The following PHKA2 variants were observed in gnomAD, a reference collection of about 807,000 sequenced individuals.
PHKA2 encodes phosphorylase kinase regulatory subunit alpha 2.
Under a neutral mutation model 102.0 loss-of-function variants are expected in PHKA2, and 31 were observed. The observed-to-expected ratio is 0.30, with a 90% CI of 0.23 to 0.41. The LOEUF is 0.41. Ranked by LOEUF, PHKA2 falls within the 10% of genes least tolerant of loss-of-function variation. The pLI is 1.00. For synonymous variants in PHKA2, 455 were observed against 416.2 expected (o/e 1.09, Z -1.13); for missense variants, 858 against 1,023.1 (o/e 0.84, Z 2.20).
intron 30 of PHKA2, 169 bp from the exon 31 acceptor site, chrX:18,895,360 C>G (rs1275081396): frequency 2.0e-6 from 1 of 504,645 alleles, no homozygotes; most frequent in Admixed American, 2.7e-5. Context: ...TTCTCACTGC[C>G]CACAGGCTGT....
rs768636545 is a variant in PHKA2 at position 18,897,365 on chromosome X, C to A, written c.3112-32G>T. 6.7e-6 allele frequency: 8 copies of A among 1,186,786 alleles called. No homozygotes were observed. In the East Asian group the frequency reaches 1.2e-4, roughly 18 times the overall value. On this transcript the variant is annotated intron_variant, in intron 29 of 32. Transcript: ENST00000379942. ...GACAGACAGCTTGGGGCCTCAGAAG[C>A]CACGCAGCAGGTGCCCCAGGGAAAG...
chrX:18,941,783 T>C (rs1376200096), intron 7 of PHKA2, 108 bp from the exon 8 acceptor site: 1 of 580,197 alleles, frequency 1.7e-6, no homozygotes, highest in East Asian at 3.4e-5. Context: ...GGTTGCCAAT[T>C]TTGAGTAGAG....
chrX:18,923,441 C>T (rs2048159955), intron 17 of PHKA2, among the ~76,000 whole-genome samples: 1 of 111,581 alleles, frequency 9.0e-6, no homozygotes, highest in Non-Finnish European at 1.9e-5. Context: ...CAGTAGAGGG[C>T]ACAAAAATGG....
At chrX:18,958,704 TTGTG>T (rs761102643) in intron 1 of PHKA2, among the ~76,000 whole-genome samples, 6 of 108,807 alleles carry the variant, frequency 5.5e-5, no homozygotes, top group African/African-American at 1.7e-4. Flanking sequence ...TCAGTTTCTT[TTGTG>T]TGTGTGTGTG....
chrX:18,970,983 G>A lies in PHKA2; in HGVS notation c.78+12872C>T, dbSNP rs113376069. ...TTTAGTACTTTCCTGGTACACCAGC[G>A]GGATGTCTACATCCAGGGTGACCTT... On this transcript the variant is annotated intron_variant, in intron 1 of 32. Transcript: ENST00000379942. 7.1e-5 allele frequency among the ~76,000 whole-genome samples: 8 copies of A among 112,481 alleles called. No individual in the cohort carries two copies. In the East Asian group the frequency reaches 8.4e-4, roughly 12 times the overall value.
At chrX:18,895,575 G>T (rs752471258) in intron 30 of PHKA2, 43 of 215,151 alleles carry the variant, frequency 2.0e-4, no homozygotes, top group Non-Finnish European at 3.4e-4. Flanking sequence ...CTGTGCCTTT[G>T]CAGGCATCTA....
At chrX:18,895,109 G>A in intron 31 of PHKA2, 29 bp downstream of exon 31, 1 of 1,194,723 alleles carries the variant, frequency 8.4e-7, no homozygotes, top group African/African-American at 1.7e-5. Context: ...CCCACAGAGG[G>A]GCCCGCCTCT....
intron 30 of PHKA2, 138 bp from the exon 31 acceptor site, chrX:18,895,329 G>GAGTT (rs1346466599): frequency 5.3e-6 from 3 of 570,731 alleles, no homozygotes; most frequent in South Asian, 4.6e-5. Flanking sequence ...CAGACTGTCA[G>GAGTT]AGTTATTTTT....
chrX:18,974,597 G>A (rs755443903), intron 1 of PHKA2, among the ~76,000 whole-genome samples: 1 of 111,729 alleles, frequency 9.0e-6, no homozygotes, highest in Admixed American at 9.6e-5. Context: ...TGGAGGCTAG[G>A]AAATCCGAGA....
At chrX:18,958,319 C>T (rs139926308) in intron 1 of PHKA2, among the ~76,000 whole-genome samples, 2,002 of 111,108 alleles carry the variant, frequency 0.018, 26 homozygotes, top group Non-Finnish European at 0.03. Context: ...ATAGAAGATA[C>T]CTGTAATAAT....
chrX:18,983,987 CG>C lies in PHKA2; in HGVS notation c.-56del. ...GATCTGCCGCGTGGGCGCGGGACGT[CG>C]GGGCTGTGGCCTCCAAGCGGGTCTG... is the stretch of plus-strand genomic sequence containing the variant. On this transcript the variant is annotated 5_prime_UTR_variant, in exon 1 of 33. Coordinates refer to ENST00000379942, the MANE Select transcript of PHKA2 (RefSeq NM_000292.3). 1.9e-6 allele frequency: 2 copies of C among 1,031,385 alleles called. No individual in the cohort carries two copies. The highest frequency in any genetic ancestry group is 2.7e-6 in the Non-Finnish European group (2 of 731,948). The allele number at this position is 1,031,385 out of a possible 1,213,427, so 85.0% of individuals were successfully genotyped here.
chrX:18,951,309 G>C, intron 3 of PHKA2, 37 bp from the exon 4 acceptor site: 2 of 1,181,133 alleles, frequency 1.7e-6, no homozygotes, highest in Non-Finnish European at 2.3e-6. Flanking sequence ...CATAGTTATG[G>C]GGGTTCATGG....
At chrX:18,919,456 G>C (rs2048077114) in intron 18 of PHKA2, among the ~76,000 whole-genome samples, 2 of 110,219 alleles carry the variant, frequency 1.8e-5, no homozygotes, top group African/African-American at 6.6e-5. Flanking sequence ...TGTAATCCCA[G>C]CACTTTGGGA....
In PHKA2 at chrX:18,919,364, T is replaced by C. The variant is rs188061777; in HGVS notation, c.1964-510A>G. Among the ~76,000 whole-genome samples, 316 of 111,617 alleles carry C rather than the reference T, an allele frequency of 2.8e-3. 1 individual carries two copies. The highest frequency in any genetic ancestry group is 9.6e-3 in the African/African-American group (295 of 30,715). On this transcript the variant is annotated intron_variant, in intron 18 of 32. Transcript: ENST00000379942. ...GATCATTCTACCACTCCTTTGAAAA[T>C]TCAAGCAGTATGTTTCTGTCTTCAG...
intron 1 of PHKA2, among the ~76,000 whole-genome samples, chrX:18,964,803 T>TTAGCTTAAAAG (rs2048916641): frequency 8.9e-6 from 1 of 112,896 alleles, no homozygotes; most frequent in Non-Finnish European, 1.9e-5. Flanking sequence ...ATAGATTTTG[T>TTAGCTTAAAAG]ACAATTTGGT....
In PHKA2 at chrX:18,901,729, A is replaced by G. The variant is rs780409205; in HGVS notation, c.2909-126T>C. ...TCTGCCTGGCCAGCGCTGTGTCTCC[A>G]GCACCGAGAGCAGCACAGGTGCAGC... On this transcript the variant is annotated intron_variant, in intron 26 of 32. Transcript: ENST00000379942. The G allele has an allele frequency of 7.6e-6, 4 of 529,055 alleles. No homozygotes were observed. In the East Asian group the frequency reaches 1.4e-4, roughly 19 times the overall value. The allele number at this position is 529,055 out of a possible 1,213,427, so 43.6% of individuals were successfully genotyped here.
chrX:18,921,617 T>C (rs1030869128), intron 17 of PHKA2, among the ~76,000 whole-genome samples: 7 of 112,252 alleles, frequency 6.2e-5, no homozygotes, highest in Admixed American at 1.9e-4. Flanking sequence ...TTAATGATCA[T>C]GAACTGAGCA....
chrX:18,898,115 C>G (rs2047608815), intron 29 of PHKA2: 1 of 112,986 alleles, frequency 8.9e-6, no homozygotes, highest in African/African-American at 3.2e-5. Flanking sequence ...ATCCACCCAC[C>G]CTTTGCAATC....
At chrX:18,934,301 T>C (rs1439165828) in intron 11 of PHKA2, among the ~76,000 whole-genome samples, 2 of 112,480 alleles carry the variant, frequency 1.8e-5, no homozygotes, top group East Asian at 2.8e-4. Flanking sequence ...TAGACTGATC[T>C]GCAGAGTGAG....
Sources: gnomAD v4.1 joint callset for allele counts (sites outside exome capture counted in the v4.1 genomes callset) on GRCh38, gnomAD v4.1.1 for gene constraint, MANE v1.5 for transcripts, NCBI Gene and HGNC (gene_info 2026-07-23, HGNC 2026-07-21) for gene names.